Variants in IQCM observed in about 807,000 individuals in gnomAD.
The protein encoded by IQCM is IQ domain-containing protein M.
A neutral mutation model predicts 57.6 loss-of-function variants in IQCM; 45 were observed. The ratio of observed to expected loss-of-function variants is 0.78; its 90% CI spans 0.62 to 1.00. The LOEUF (loss-of-function observed/expected upper bound fraction) is 1.00. Among genes scored for constraint, IQCM ranks in the 50% least tolerant of loss-of-function variants. The probability of loss-of-function intolerance (pLI) is 0.00; values close to 1 mark genes in which losing one functional copy is unlikely to be tolerated. For missense variants in IQCM, 468 were observed against 511.6 expected, an observed-to-expected ratio of 0.91 and a Z score of 0.82; for synonymous variants, 148 against 158.9, an observed-to-expected ratio of 0.93 and a Z score of 0.51.
At chr4:149,527,856 A>C (rs1746314290) in intron 12 of IQCM, among the ~76,000 whole-genome samples, 1 of 152,220 alleles carries the variant, frequency 6.6e-6, no homozygotes, top group Non-Finnish European at 1.5e-5. Flanking sequence ...ATGTTCAAAG[A>C]ATAATGCCAC....
chr4:149,803,480 T>A (rs1773796299), intron 2 of IQCM, among the ~76,000 whole-genome samples: 1 of 152,022 alleles, frequency 6.6e-6, no homozygotes. Context: ...AATAAGCATG[T>A]CAAAGGCATT....
intron 3 of IQCM, among the ~76,000 whole-genome samples, chr4:149,740,228 G>C (rs1046337760): frequency 3.4e-4 from 52 of 152,312 alleles, no homozygotes; most frequent in African/African-American, 1.2e-3. Context: ...GGCCAACCCT[G>C]TGTATGTAAT....
At chr4:149,390,607 T>G (rs1040858952) in intron 13 of IQCM, among the ~76,000 whole-genome samples, 3 of 151,982 alleles carry the variant, frequency 2.0e-5, no homozygotes, top group Non-Finnish European at 4.4e-5. Context: ...CCTTACATTC[T>G]CAGTTTGTTG....
intron 2 of IQCM, among the ~76,000 whole-genome samples, chr4:149,772,372 T>C (rs906951365): frequency 9.8e-5 from 15 of 152,286 alleles, no homozygotes; most frequent in African/African-American, 2.9e-4. Context: ...TAGTATAATC[T>C]CTACTCTGTT....
intron 2 of IQCM, among the ~76,000 whole-genome samples, chr4:149,798,217 G>A (rs775537079): frequency 3.3e-5 from 5 of 152,068 alleles, no homozygotes; most frequent in Non-Finnish European, 7.4e-5. Flanking sequence ...AAGGCATAGT[G>A]TTTTTATTAC....
At chr4:149,705,833 T>C (rs137919502) in intron 5 of IQCM, among the ~76,000 whole-genome samples, 110 of 152,076 alleles carry the variant, frequency 7.2e-4, no homozygotes, top group African/African-American at 2.6e-3. Context: ...AGTTTTATTA[T>C]ATTTAAAGTC....
At chr4:149,398,452 A>G (rs906697684) in intron 13 of IQCM, among the ~76,000 whole-genome samples, 6 of 152,036 alleles carry the variant, frequency 3.9e-5, no homozygotes, top group African/African-American at 1.2e-4. Context: ...CTTTGCTAGT[A>G]TAGACATGTT....
At chr4:149,612,011 C>T (rs1420910015) in intron 8 of IQCM, among the ~76,000 whole-genome samples, 1 of 151,866 alleles carries the variant, frequency 6.6e-6, no homozygotes, top group Non-Finnish European at 1.5e-5. Flanking sequence ...CACAGTTCTA[C>T]ATGGCTGGTG....
chr4:149,513,921 T>C (rs556105671), intron 12 of IQCM, among the ~76,000 whole-genome samples: 232 of 152,272 alleles, frequency 1.5e-3, no homozygotes, highest in African/African-American at 5.3e-3. Flanking sequence ...AGGATAATGT[T>C]GCTCTTCAAT....
chr4:149,462,226 A>G (rs1738377076), intron 12 of IQCM, among the ~76,000 whole-genome samples: 1 of 152,174 alleles, frequency 6.6e-6, no homozygotes, highest in Non-Finnish European at 1.5e-5. Context: ...AGTGACATCA[A>G]TGTAGCGGAT....
intron 12 of IQCM, among the ~76,000 whole-genome samples, chr4:149,531,074 A>G (rs1294117310): frequency 6.6e-6 from 1 of 152,140 alleles, no homozygotes; most frequent in Non-Finnish European, 1.5e-5. Context: ...ATTAGACAAT[A>G]CTGGGATTCA....
At chr4:149,668,254 G>A (rs1561130870) in intron 7 of IQCM, among the ~76,000 whole-genome samples, 1 of 152,170 alleles carries the variant, frequency 6.6e-6, no homozygotes. Context: ...CGAGCCAGAA[G>A]AGAGTGGGGG....
intron 2 of IQCM, among the ~76,000 whole-genome samples, chr4:149,784,897 A>G (rs1189215323): frequency 5.3e-5 from 8 of 152,250 alleles, no homozygotes; most frequent in Admixed American, 5.2e-4. Flanking sequence ...GTAAACTTAT[A>G]TATGGAAATC....
intron 5 of IQCM, among the ~76,000 whole-genome samples, chr4:149,719,070 C>A (rs1469035529): frequency 6.6e-6 from 1 of 151,958 alleles, no homozygotes; most frequent in Admixed American, 6.6e-5. Flanking sequence ...CCAGGCCAGG[C>A]ATGGTGGCTC....
chr4:149,622,517 TATTTTTTAGTAGAG>T (rs1756439436), intron 7 of IQCM, among the ~76,000 whole-genome samples: 1 of 152,090 alleles, frequency 6.6e-6, no homozygotes, highest in Non-Finnish European at 1.5e-5. Context: ...TAATTTTTTG[TATTTTTTAGTAGAG>T]ACGGGGTTTC....
chr4:149,620,842 T>C (rs991173224), intron 8 of IQCM, among the ~76,000 whole-genome samples: 4 of 152,200 alleles, frequency 2.6e-5, no homozygotes, highest in African/African-American at 4.8e-5. Flanking sequence ...ACAAAAATAG[T>C]GGAGGTGCTA....
intron 2 of IQCM, among the ~76,000 whole-genome samples, chr4:149,790,655 A>C (rs2150028522): frequency 6.6e-6 from 1 of 152,326 alleles, no homozygotes; most frequent in East Asian, 1.9e-4. Flanking sequence ...ACTCAAATGA[A>C]GTTACTGTGA....
chr4:149,685,738 T>C (rs1461316014), intron 6 of IQCM, among the ~76,000 whole-genome samples: 5 of 151,564 alleles, frequency 3.3e-5, no homozygotes, highest in Non-Finnish European at 7.4e-5. Context: ...TTACTGTCTG[T>C]AAGTATAAAT....
intron 2 of IQCM, among the ~76,000 whole-genome samples, chr4:149,744,273 A>C (rs548504308): frequency 4.0e-4 from 61 of 152,358 alleles, no homozygotes; most frequent in Non-Finnish European, 6.6e-4. Flanking sequence ...CTAGTTCTGC[A>C]AATGAACTGG....
Sources: allele counts gnomAD v4.1 joint callset (sites outside exome capture counted in the v4.1 genomes callset), GRCh38; gene constraint gnomAD v4.1.1; transcripts MANE v1.5; gene names NCBI Gene and HGNC (gene_info 2026-07-23, HGNC 2026-07-21).